The following LRP1B variants were observed in gnomAD, a reference collection of about 807,000 sequenced individuals.
LRP1B encodes low-density lipoprotein receptor-related protein 1B.
A neutral mutation model predicts 556.6 loss-of-function variants in LRP1B; 217 were observed. The ratio of observed to expected loss-of-function variants is 0.39; its 90% CI spans 0.35 to 0.44. The LOEUF (loss-of-function observed/expected upper bound fraction) is 0.44, where lower values mean the gene tolerates loss of function less well. Ranked by LOEUF, LRP1B falls within the 20% of genes least tolerant of loss-of-function variation. The pLI is 1.00. For missense variants in LRP1B, 5,053 were observed against 5,620.8 expected (o/e 0.90, Z 3.23); for synonymous variants, 2,047 against 1,865.8 (o/e 1.10, Z -2.50).
chr2:141,092,864 A>G (rs1050104573), intron 7 of LRP1B, among the ~76,000 whole-genome samples: 11 of 152,218 alleles, frequency 7.2e-5, no homozygotes, highest in African/African-American at 2.4e-4. Context: ...GTTAACCTCG[A>G]TAAGAGTAGT....
intron 3 of LRP1B, among the ~76,000 whole-genome samples, chr2:141,294,342 G>A (rs1444822165): frequency 6.6e-6 from 1 of 152,050 alleles, no homozygotes; most frequent in Non-Finnish European, 1.5e-5. Flanking sequence ...GAAAAGTCAA[G>A]ATTAAATTTT....
At chr2:141,579,827 G>A (rs1160375384) in intron 2 of LRP1B, among the ~76,000 whole-genome samples, 1 of 143,296 alleles carries the variant, frequency 7.0e-6, no homozygotes, top group African/African-American at 2.6e-5. Context: ...AGCCTCCCAA[G>A]TAGCTGGGAC....
At chr2:141,293,043 C>T (rs940022762) in intron 3 of LRP1B, among the ~76,000 whole-genome samples, 1 of 151,972 alleles carries the variant, frequency 6.6e-6, no homozygotes, top group Non-Finnish European at 1.5e-5. Flanking sequence ...TTATGCTATT[C>T]TAAAAAAATC....
intron 1 of LRP1B, among the ~76,000 whole-genome samples, chr2:142,115,939 G>A (rs1176480739): frequency 7.3e-6 from 1 of 137,752 alleles, no homozygotes; most frequent in Admixed American, 8.2e-5. Flanking sequence ...GAATGCATCT[G>A]GGCACAGTAG....
chr2:142,032,993 C>G (rs1482317360), intron 1 of LRP1B, among the ~76,000 whole-genome samples: 1 of 151,838 alleles, frequency 6.6e-6, no homozygotes, highest in African/African-American at 2.4e-5. Flanking sequence ...CCCAGGTTCT[C>G]TCTTCTAATG....
intron 60 of LRP1B, among the ~76,000 whole-genome samples, chr2:140,458,184 C>T (rs532228984): frequency 6.6e-6 from 1 of 152,172 alleles, no homozygotes; most frequent in South Asian, 2.1e-4. Context: ...ACCTTTTCAG[C>T]CACTGAGATT....
rs1686287447 is a variant in LRP1B, at chr2:141,298,932, T to G, written c.344-44291A>C. ...TCATGCCATTCCACTCCAGCCTGGG[T>G]GACAAGAGCAAAACTCCATCTTAAA... is the stretch of plus-strand genomic sequence containing the variant. On this transcript the variant is annotated intron_variant, in intron 3 of 90. Coordinates refer to ENST00000389484, the MANE Select transcript of LRP1B (RefSeq NM_018557.3). Among the ~76,000 whole-genome samples the G allele has an allele frequency of 2.2e-5, 3 of 137,616 alleles. No individual in the cohort carries two copies. The Admixed American group carries it at 2.4e-4, about 11-fold the overall frequency. 90.3% of individuals were successfully genotyped at this position (137,616 alleles called of 152,430 possible).
chr2:141,636,614 T>G (rs1202195579), intron 2 of LRP1B, among the ~76,000 whole-genome samples: 4 of 152,118 alleles, frequency 2.6e-5, no homozygotes, highest in Non-Finnish European at 4.4e-5. Context: ...ACACGTAATA[T>G]CAACATATGC....
intron 7 of LRP1B, among the ~76,000 whole-genome samples, chr2:141,067,709 C>A (rs1268312441): frequency 1.3e-5 from 2 of 151,934 alleles, no homozygotes; most frequent in Non-Finnish European, 2.9e-5. Context: ...ATAATTAGAC[C>A]AAGAAGGAAT....
chr2:142,080,980 G>A (rs1406300862), intron 1 of LRP1B, among the ~76,000 whole-genome samples: 1 of 152,136 alleles, frequency 6.6e-6, no homozygotes, highest in African/African-American at 2.4e-5. Context: ...GAAGAAAGAA[G>A]GATTGATGAG....
chr2:141,106,653 G>T (rs796686800), intron 7 of LRP1B, among the ~76,000 whole-genome samples: 1 of 152,190 alleles, frequency 6.6e-6, no homozygotes, highest in African/African-American at 2.4e-5. Flanking sequence ...GCAGCTAATA[G>T]GTCCAAACTA....
chr2:141,177,249 G>A (rs1680777959), intron 7 of LRP1B, among the ~76,000 whole-genome samples: 1 of 152,004 alleles, frequency 6.6e-6, no homozygotes, highest in Non-Finnish European at 1.5e-5. Context: ...TGATAATGAG[G>A]AATATGTGCA....
chr2:141,221,167 G>A (rs771829201), intron 6 of LRP1B, among the ~76,000 whole-genome samples: 7 of 151,858 alleles, frequency 4.6e-5, no homozygotes, highest in Non-Finnish European at 8.8e-5. Context: ...CATCTCACAT[G>A]CAAAGCCACA....
chr2:141,699,925 T>C (rs1417277796), intron 2 of LRP1B, among the ~76,000 whole-genome samples: 1 of 150,030 alleles, frequency 6.7e-6, no homozygotes, highest in African/African-American at 2.5e-5. Flanking sequence ...CATTCCTTTG[T>C]CATCTGCTGA....
At chr2:140,551,412 G>A (rs139499872) in intron 43 of LRP1B, among the ~76,000 whole-genome samples, 64 of 152,202 alleles carry the variant, frequency 4.2e-4, no homozygotes, top group African/African-American at 1.3e-3. Flanking sequence ...ACAACAGGGA[G>A]CATGAAGTGC....
chr2:140,322,064 G>A lies in LRP1B; in HGVS notation c.12539C>T (p.Ala4180Val), dbSNP rs1680168145. The A allele has an allele frequency of 6.2e-7, 1 of 1,612,996 alleles. No homozygotes were observed. The highest frequency in any genetic ancestry group is 8.5e-7 in the Non-Finnish European group (1 of 1,179,454). Reference sequence around the variant, plus strand: ...ATTTAGCAAGCAAAGAAATTCGCATGCTAAATCCAAGCATGGATTGGGTAC... The same window carrying A: ...ATTTAGCAAGCAAAGAAATTCGCATACTAAATCCAAGCATGGATTGGGTAC... Reference protein sequence around the residue: ...LDLPNPCLDLACEFLCLLNPS... With the variant: ...LDLPNPCLDLVCEFLCLLNPS... Residue 4180 changes from alanine (A) to valine (V), a missense_variant, in exon 82 of 91, where the codon GCA (alanine) becomes GTA (valine). By Grantham distance (64) the Ala-to-Val change is moderately conservative. Around this residue, in one of 5 missense-constraint regions of LRP1B, gnomAD observed 551 missense variants for 592.0 expected, o/e 0.93. Transcript: ENST00000389484.
At chr2:141,485,450 T>C (rs1262518374) in intron 2 of LRP1B, among the ~76,000 whole-genome samples, 2 of 152,158 alleles carry the variant, frequency 1.3e-5, no homozygotes, top group Non-Finnish European at 2.9e-5. Context: ...CTTTGACCAG[T>C]GCTAGGATAT....
At chr2:141,037,546 C>G (rs960786121) in intron 11 of LRP1B, among the ~76,000 whole-genome samples, 7 of 151,972 alleles carry the variant, frequency 4.6e-5, no homozygotes, top group African/African-American at 1.7e-4. Flanking sequence ...TAAACACATT[C>G]TATAGGATAG....
chr2:140,551,240 A>T (rs558545002), intron 43 of LRP1B, among the ~76,000 whole-genome samples: 25 of 152,338 alleles, frequency 1.6e-4, no homozygotes, highest in African/African-American at 5.8e-4. Flanking sequence ...TTTTAAAATC[A>T]GTATGAAGGA....
Sources: allele counts gnomAD v4.1 joint callset (sites outside exome capture counted in the v4.1 genomes callset), GRCh38; gene constraint gnomAD v4.1.1; regional missense constraint gnomAD v4.1.1; transcripts MANE v1.5; gene names NCBI Gene and HGNC (gene_info 2026-07-23, HGNC 2026-07-21).